Variants in DHX29 observed in about 807,000 individuals in gnomAD.
DHX29 encodes ATP-dependent RNA helicase DHX29.
DHX29 carries 79 observed loss-of-function variants against 167.9 expected under a neutral mutation model. That is an observed-to-expected ratio of 0.47 (90% confidence interval 0.39 to 0.57). The LOEUF is 0.57. Among genes scored for constraint, DHX29 ranks in the 20% least tolerant of loss-of-function variants. The pLI, the probability that DHX29 is intolerant of heterozygous loss-of-function variation, is 0.00. For synonymous variants in DHX29, 530 were observed against 546.0 expected, an observed-to-expected ratio of 0.97 and a Z score of 0.41; for missense variants, 1,347 against 1,593.4, an observed-to-expected ratio of 0.85 and a Z score of 2.63.
intron 17 of DHX29, among the ~76,000 whole-genome samples, chr5:55,272,829 A>G (rs188202502): frequency 2.9e-4 from 44 of 152,296 alleles, no homozygotes; most frequent in Non-Finnish European, 5.3e-4. Flanking sequence ...TATTAGGAAA[A>G]AAAAATCACA....
intron 8 of DHX29, among the ~76,000 whole-genome samples, chr5:55,286,613 C>A (rs986205047): frequency 2.0e-5 from 3 of 152,178 alleles, no homozygotes; most frequent in Non-Finnish European, 4.4e-5. Flanking sequence ...CTATTTGTTG[C>A]CACTCTTCCC....
At chr5:55,281,537 T>C in intron 11 of DHX29, 22 bp from the exon 12 acceptor site, 8 of 1,515,728 alleles carry the variant, frequency 5.3e-6, no homozygotes, top group Non-Finnish European at 7.1e-6. Context: ...ACATAAGGCC[T>C]TGATTAGATT....
At position 55,267,237 on chromosome 5, in the gene DHX29, TA is replaced by T. The variant is rs1194127481; in HGVS notation, c.3432-7del. 1 of 1,602,980 alleles carries T rather than the reference TA, an allele frequency of 6.2e-7. No homozygotes were observed. The highest frequency in any genetic ancestry group is 2.2e-5 in the East Asian group (1 of 44,678). On this transcript the variant is annotated splice_region_variant and splice_polypyrimidine_tract_variant and intron_variant, in intron 22 of 26. Coordinates refer to ENST00000251636, the MANE Select transcript of DHX29 (RefSeq NM_019030.4). ...CTTGTCGTGCTTTCTTCCATCTAGA[TA>T]AATAAAATGTCAATTAATGAATAAA...
chr5:55,266,345 T>C (rs1432100975), intron 23 of DHX29, among the ~76,000 whole-genome samples: 2 of 150,544 alleles, frequency 1.3e-5, no homozygotes, highest in East Asian at 2.0e-4. Context: ...GTTTTGCTCT[T>C]GTTGCCCAGG....
At chr5:55,273,217 G>C (rs1746938829) in intron 17 of DHX29, 76 bp downstream of exon 17, 1 of 1,428,200 alleles carries the variant, frequency 7.0e-7, no homozygotes, top group South Asian at 1.7e-5. Context: ...AACTGTCTTT[G>C]ATGATAAAAA....
chr5:55,298,846 A>C (rs979681683), intron 1 of DHX29, among the ~76,000 whole-genome samples, 182 bp from the exon 2 acceptor site: 3 of 151,092 alleles, frequency 2.0e-5, no homozygotes, highest in Non-Finnish European at 4.4e-5. Flanking sequence ...CTGGCTAACA[A>C]GGTGAAACCC....
intron 24 of DHX29, among the ~76,000 whole-genome samples, chr5:55,262,141 G>C (rs976445371): frequency 3.3e-5 from 5 of 152,102 alleles, no homozygotes; most frequent in African/African-American, 9.7e-5. Context: ...TAAGAAAATG[G>C]AGTGGTCATG....
intron 1 of DHX29, among the ~76,000 whole-genome samples, chr5:55,302,995 T>C (rs1748682891): frequency 6.6e-6 from 1 of 152,130 alleles, no homozygotes; most frequent in Non-Finnish European, 1.5e-5. Flanking sequence ...AATTCCAAAT[T>C]TATAAATGAA....
chr5:55,301,713 CAAAAAAAAAAA>C (rs70992777), intron 1 of DHX29, among the ~76,000 whole-genome samples: 4 of 64,738 alleles, frequency 6.2e-5, no homozygotes, highest in Admixed American at 1.9e-4. Flanking sequence ...AACTCCATCT[CAAAAAAAAAAA>C]AAAAAAAAAA....
chr5:55,260,473 CACCT>C (rs1746262055), intron 25 of DHX29, among the ~76,000 whole-genome samples: 1 of 149,718 alleles, frequency 6.7e-6, no homozygotes, highest in Non-Finnish European at 1.5e-5. Context: ...CCTCATGATC[CACCT>C]GCCTCGGCCT....
At chr5:55,277,905 CAA>C (rs753851538) in intron 12 of DHX29, among the ~76,000 whole-genome samples, 97 of 62,132 alleles carry the variant, frequency 1.6e-3, no homozygotes, top group African/African-American at 4.2e-3. Context: ...GACTCTATCT[CAA>C]AAAAAAAAAA....
chr5:55,307,065 G>GCC (rs1748906945), intron 1 of DHX29, among the ~76,000 whole-genome samples: 1 of 152,184 alleles, frequency 6.6e-6, no homozygotes, highest in Non-Finnish European at 1.5e-5. Flanking sequence ...CTTTGCGTTA[G>GCC]CCTAGCTAGC....
rs188108213 is a variant in DHX29 at position 55,296,231 on chromosome 5, T to C, written c.494A>G (p.Asn165Ser). 22 of 1,611,820 alleles carry C rather than the reference T, an allele frequency of 1.4e-5. No individual in the cohort carries two copies. Among genetic ancestry groups the C allele is most frequent in the Non-Finnish European group, 1.8e-5 (21 of 1,179,070 alleles). ...LHSALDWLCL[N>S]LSDDALPEGF... is the part of the protein sequence containing the mutation. Reference sequence around the variant, plus strand: ...ATGATATTGTTTACCATCTGAAAGGTTTAAACAGAGCCAATCCAAGGCAGA... The same window carrying C: ...ATGATATTGTTTACCATCTGAAAGGCTTAAACAGAGCCAATCCAAGGCAGA... Residue 165 changes from asparagine (N) to serine (S), a missense_variant, in exon 4 of 27, where the codon AAC becomes AGC. Transcript: ENST00000251636.
chr5:55,290,148 A>C, intron 7 of DHX29, 70 bp downstream of exon 7: 4 of 1,520,200 alleles, frequency 2.6e-6, no homozygotes, highest in Non-Finnish European at 3.5e-6. Flanking sequence ...AGGAAGCATC[A>C]TCCATCCCAG....
At chr5:55,278,086 A>G (rs1449232898) in intron 12 of DHX29, among the ~76,000 whole-genome samples, 1 of 152,098 alleles carries the variant, frequency 6.6e-6, no homozygotes, top group Non-Finnish European at 1.5e-5. Flanking sequence ...AATCTCTATC[A>G]CTGTCAGAAA....
chr5:55,295,484 C>G lies in DHX29; in HGVS notation c.546G>C (p.Gln182His). The G allele has an allele frequency of 6.2e-7, 1 of 1,613,940 alleles. No homozygotes were observed. The highest frequency in any genetic ancestry group is 1.3e-5 in the African/African-American group (1 of 75,022). Residue 182 changes from glutamine (Q) to histidine (H), a missense_variant, in exon 5 of 27, where the codon CAG becomes CAC. Coordinates refer to ENST00000251636, the MANE Select transcript of DHX29 (RefSeq NM_019030.4). ...PEGFSQEFEE[Q>H]QPKSRPKFQS... ...GAAATTTAGGCCTACTTTTAGGTTGCTGCTCTTCAAATTCCTGACTGAATC... is the reference window on the plus strand; with the variant it reads ...GAAATTTAGGCCTACTTTTAGGTTGGTGCTCTTCAAATTCCTGACTGAATC...
intron 8 of DHX29, among the ~76,000 whole-genome samples, chr5:55,287,589 T>A (rs187137487): frequency 0.045 from 6,862 of 152,068 alleles, 201 homozygotes; most frequent in Middle Eastern, 0.068. Flanking sequence ...AATTTTTTTT[T>A]AAAAAAACAA....
rs1333685086 is a variant in DHX29 at position 55,259,781 on chromosome 5, AATAC to A, written c.4057+63_4057+66del. On this transcript the variant is annotated intron_variant, in intron 26 of 26. Coordinates refer to ENST00000251636, the MANE Select transcript of DHX29 (RefSeq NM_019030.4). ...CTCTTAGAAAGTTTTTCCACACATTAATACATAGGTATGTGTACACATACACATA... is the reference window on the plus strand; with the variant it reads ...CTCTTAGAAAGTTTTTCCACACATTAATAGGTATGTGTACACATACACATA... 5 of 906,620 alleles carry A rather than the reference AATAC, an allele frequency of 5.5e-6. No homozygotes were observed. The Admixed American group carries it at 5.9e-5, about 11-fold the overall frequency. 56.2% of individuals were successfully genotyped at this position (906,620 alleles called of 1,614,324 possible).
chr5:55,280,081 G>A (rs1747325418), intron 12 of DHX29, among the ~76,000 whole-genome samples: 1 of 152,102 alleles, frequency 6.6e-6, no homozygotes, highest in Non-Finnish European at 1.5e-5. Flanking sequence ...GCATTATCCT[G>A]ACTGTCTTCA....
Sources: gnomAD v4.1 joint callset for allele counts (sites outside exome capture counted in the v4.1 genomes callset) on GRCh38, gnomAD v4.1.1 for gene constraint, MANE v1.5 for transcripts, NCBI Gene and HGNC (gene_info 2026-07-23, HGNC 2026-07-21) for gene names.